Variants in HLCS observed in about 807,000 individuals in gnomAD.
HLCS encodes holocarboxylase synthetase.
In HLCS, 53 loss-of-function variants were observed where a neutral mutation model predicts 75.0. The ratio of observed to expected loss-of-function variants is 0.71; its 90% CI spans 0.57 to 0.89. The LOEUF (loss-of-function observed/expected upper bound fraction) is 0.89. Among genes scored for constraint, HLCS ranks in the 40% least tolerant of loss-of-function variants. The pLI is 0.00. For synonymous variants in HLCS, 431 were observed against 428.6 expected (o/e 1.01, Z -0.07); for missense variants, 966 against 1,074.0 (o/e 0.90, Z 1.41).
chr21:36,814,149 A>C (rs190486913), intron 6 of HLCS, among the ~76,000 whole-genome samples: 78 of 152,040 alleles, frequency 5.1e-4, no homozygotes, highest in Non-Finnish European at 9.4e-4. Flanking sequence ...CTCTCCCCCA[A>C]ACACACTACA....
chr21:36,925,683 C>G (rs1377845405), intron 5 of HLCS, among the ~76,000 whole-genome samples: 4 of 152,172 alleles, frequency 2.6e-5, no homozygotes, highest in Admixed American at 2.6e-4. Flanking sequence ...AGATTCAGGT[C>G]CCAGCCGGTC....
intron 2 of HLCS, among the ~76,000 whole-genome samples, chr21:36,940,693 A>C (rs1043449360): frequency 1.3e-5 from 2 of 152,194 alleles, no homozygotes; most frequent in African/African-American, 4.8e-5. Context: ...TTCTGCCCCC[A>C]GGGTCCTTGC....
chr21:36,782,073 T>C (rs1331458670), intron 6 of HLCS, among the ~76,000 whole-genome samples: 2 of 152,190 alleles, frequency 1.3e-5, no homozygotes, highest in African/African-American at 2.4e-5. Flanking sequence ...TGTTAGTTAA[T>C]ATTTATTTAG....
chr21:36,829,552 T>C (rs1364301139), intron 6 of HLCS, among the ~76,000 whole-genome samples: 1 of 152,248 alleles, frequency 6.6e-6, no homozygotes, highest in Non-Finnish European at 1.5e-5. Flanking sequence ...AATATTAATA[T>C]ACTATACAGA....
At chr21:36,955,440 G>A (rs897765516) in intron 2 of HLCS, among the ~76,000 whole-genome samples, 5 of 151,700 alleles carry the variant, frequency 3.3e-5, no homozygotes, top group Non-Finnish European at 7.4e-5. Flanking sequence ...AATTTGTAGA[G>A]ATAAATAAAT....
At chr21:36,958,821 C>T (rs552693750) in intron 2 of HLCS, among the ~76,000 whole-genome samples, 2 of 152,240 alleles carry the variant, frequency 1.3e-5, no homozygotes, top group African/African-American at 4.8e-5. Flanking sequence ...TTGTCTGTCA[C>T]TTAGCAATGA....
chr21:36,969,825 A>G (rs2154529), upstream of HLCS, among the ~76,000 whole-genome samples: 107,826 of 151,926 alleles, frequency 0.71, 38,550 homozygotes, highest in East Asian at 0.93. Context: ...GTCCCACCTC[A>G]GCCTCCCAAC....
chr21:36,968,223 G>A (rs762374), upstream of HLCS, among the ~76,000 whole-genome samples: 62,227 of 151,904 alleles, frequency 0.41, 13,476 homozygotes, highest in South Asian at 0.53. Context: ...TCCTGGTCTC[G>A]AGCAGTCAAA....
rs146448211 is a variant in HLCS, at chr21:36,756,558, G to C, written c.2434C>G (p.Arg812Gly). Residue 812 changes from arginine (R) to glycine (G), a missense_variant, in exon 10 of 11, where the codon CGA (arginine) becomes GGA (glycine). Transcript: ENST00000674895. ...GPNSVLPLYY[R>G]YWVHSGQQVH... ...AGCACTGACCTGTGGACCCAGTATC[G>C]GTAATAAAGGGGAAGGACGCTGTTG... The C allele has an allele frequency of 2.5e-6, 4 of 1,610,742 alleles. No homozygotes were observed. The highest frequency in any genetic ancestry group is 3.4e-6 in the Non-Finnish European group (4 of 1,177,884).
At chr21:36,970,651 G>A (rs1393376704), upstream of HLCS, among the ~76,000 whole-genome samples, 1 of 151,978 alleles carries the variant, frequency 6.6e-6, no homozygotes, top group African/African-American at 2.4e-5. Flanking sequence ...TTACAAGCGT[G>A]AGCCACCGTG....
rs566793712 is a variant in HLCS, at chr21:36,894,127, C to T, written c.1892+2733G>A. ...TCTGGTTGTTTAAAAGTGTGTGACA[C>T]CACCCCCTTTGCTCTCTTCCTCCTG... On this transcript the variant is annotated intron_variant, in intron 6 of 10. Transcript: ENST00000674895. Among the ~76,000 whole-genome samples the T allele has an allele frequency of 4.6e-5, 7 of 152,240 alleles. No homozygotes were observed. The South Asian group carries it at 1.5e-3, about 32-fold the overall frequency.
chr21:36,936,321 A>G, intron 4 of HLCS, 128 bp downstream of exon 4: 1 of 856,058 alleles, frequency 1.2e-6, no homozygotes, highest in Non-Finnish European at 2.0e-6. Flanking sequence ...CTCCCAGCCA[A>G]TAGTCAAAAA....
In HLCS at chr21:36,908,016, C is replaced by G. The variant is rs571681348; in HGVS notation, c.1621-10885G>C. Among the ~76,000 whole-genome samples, 7 of 151,894 alleles carry G rather than the reference C, an allele frequency of 4.6e-5. No individual in the cohort carries two copies. In the East Asian group the frequency reaches 1.4e-3, roughly 29 times the overall value. On this transcript the variant is annotated intron_variant, in intron 5 of 10. Coordinates refer to ENST00000674895, the MANE Select transcript of HLCS (RefSeq NM_001352514.2). ...CCCAGGAATTTGGGCCTGCAATGAG[C>G]TGTGAGCACACCACTGCATTCTAGC...
chr21:36,977,396 T>C (rs898461310), intron 1 of HLCS, among the ~76,000 whole-genome samples: 9 of 152,062 alleles, frequency 5.9e-5, no homozygotes, highest in African/African-American at 1.9e-4. Context: ...ACCACCTCAA[T>C]GGATGGGAGA....
chr21:36,951,371 C>T (rs2067662441), intron 2 of HLCS, among the ~76,000 whole-genome samples: 1 of 152,204 alleles, frequency 6.6e-6, no homozygotes, highest in African/African-American at 2.4e-5. Flanking sequence ...TGCATCTGCA[C>T]ATGCTGTTCT....
upstream of HLCS, among the ~76,000 whole-genome samples, chr21:36,970,348 T>C (rs746980413): frequency 6.6e-6 from 1 of 152,088 alleles, no homozygotes; most frequent in African/African-American, 2.4e-5. Context: ...TCCTCCCTCC[T>C]CAGTTTCCCA....
At chr21:36,816,948 G>GT (rs1384031825) in intron 6 of HLCS, among the ~76,000 whole-genome samples, 1 of 152,206 alleles carries the variant, frequency 6.6e-6, no homozygotes, top group African/African-American at 2.4e-5. Flanking sequence ...GGAGTCAGCT[G>GT]TGAGCACTGC....
At chr21:36,911,986 G>T (rs1024328265) in intron 5 of HLCS, among the ~76,000 whole-genome samples, 1 of 150,370 alleles carries the variant, frequency 6.7e-6, no homozygotes, top group Non-Finnish European at 1.5e-5. Flanking sequence ...CAGAAGAATC[G>T]CTTGAACCCA....
chr21:36,855,580 C>A (rs1260240818), intron 6 of HLCS, among the ~76,000 whole-genome samples: 7 of 132,722 alleles, frequency 5.3e-5, no homozygotes, highest in Non-Finnish European at 8.1e-5. Context: ...GGTGGCAGTA[C>A]AAAATGTTTG....
Sources: allele counts gnomAD v4.1 joint callset (sites outside exome capture counted in the v4.1 genomes callset), GRCh38; gene constraint gnomAD v4.1.1; transcripts MANE v1.5; gene names NCBI Gene and HGNC (gene_info 2026-07-23, HGNC 2026-07-21).